The following FNDC3B variants were observed in gnomAD, a reference collection of about 807,000 sequenced individuals.
FNDC3B encodes the protein fibronectin type III domain containing 3B, also known as fibronectin type III domain-containing protein 3B.
FNDC3B carries 12 observed loss-of-function variants against 151.5 expected under a neutral mutation model. That is an observed-to-expected ratio of 0.08 (90% CI 0.05 to 0.13). The LOEUF is 0.13. Among genes scored for constraint, FNDC3B ranks in the 10% least tolerant of loss-of-function variants. FNDC3B has a pLI of 1.00. For missense variants in FNDC3B, 1,214 were observed against 1,505.3 expected (o/e 0.81, Z 3.20); for synonymous variants, 528 against 549.0 (o/e 0.96, Z 0.54).
chr3:172,345,740 G>A (rs1013864119), intron 19 of FNDC3B, among the ~76,000 whole-genome samples: 1 of 152,274 alleles, frequency 6.6e-6, no homozygotes. Context: ...TCAAAGTGTG[G>A]TAAGTCTCTA....
intron 6 of FNDC3B, among the ~76,000 whole-genome samples, chr3:172,281,714 T>C (rs1424804509): frequency 1.3e-5 from 2 of 152,176 alleles, no homozygotes; most frequent in Non-Finnish European, 2.9e-5. Context: ...TCTTGTTTAG[T>C]TGGCTCACAC....
chr3:172,294,580 C>A (rs1730497690), intron 7 of FNDC3B, among the ~76,000 whole-genome samples: 1 of 152,192 alleles, frequency 6.6e-6, no homozygotes, highest in Admixed American at 6.5e-5. Flanking sequence ...GGATTGCAAT[C>A]TGACATGAGA....
intron 4 of FNDC3B, among the ~76,000 whole-genome samples, chr3:172,227,644 TTC>T (rs1215286042): frequency 6.6e-6 from 1 of 152,220 alleles, no homozygotes; most frequent in East Asian, 1.9e-4. Context: ...TATGCAAATC[TTC>T]TGTTTCTGCA....
intron 4 of FNDC3B, among the ~76,000 whole-genome samples, chr3:172,235,091 A>G (rs1727077990): frequency 6.6e-6 from 1 of 152,082 alleles, no homozygotes; most frequent in African/African-American, 2.4e-5. Flanking sequence ...CAGTTTTTTC[A>G]AAACTGGTCA....
intron 1 of FNDC3B, among the ~76,000 whole-genome samples, chr3:172,086,337 A>T (rs1177684716): frequency 6.7e-6 from 1 of 149,648 alleles, no homozygotes; most frequent in Non-Finnish European, 1.5e-5. Context: ...TTCAGCCTGG[A>T]TGACAGAGCA....
chr3:172,208,094 T>A (rs576381191), intron 3 of FNDC3B, among the ~76,000 whole-genome samples: 4 of 63,896 alleles, frequency 6.3e-5, no homozygotes, highest in Admixed American at 4.2e-4. Context: ...AAGTCCATGC[T>A]GGACAGCAGA....
chr3:172,132,161 T>C (rs1254295283), intron 2 of FNDC3B, among the ~76,000 whole-genome samples: 2 of 152,078 alleles, frequency 1.3e-5, no homozygotes, highest in Non-Finnish European at 2.9e-5. Context: ...CTGAGAAGGA[T>C]GAATAGACGT....
intron 2 of FNDC3B, among the ~76,000 whole-genome samples, chr3:172,119,194 A>T (rs1200712377): frequency 6.7e-6 from 1 of 149,858 alleles, no homozygotes; most frequent in African/African-American, 2.5e-5. Flanking sequence ...AAAAAAAAAG[A>T]ATGAGAGGAT....
chr3:172,081,360 C>G (rs781562430), intron 1 of FNDC3B, among the ~76,000 whole-genome samples: 3 of 151,540 alleles, frequency 2.0e-5, no homozygotes, highest in Non-Finnish European at 4.4e-5. Flanking sequence ...TTTTTCTTTA[C>G]AGAGCACAAA....
chr3:172,258,448 C>A (rs142428414), intron 6 of FNDC3B, among the ~76,000 whole-genome samples: 15 of 152,170 alleles, frequency 9.9e-5, no homozygotes, highest in Non-Finnish European at 1.9e-4. Context: ...ATTTTGTGAT[C>A]ATTGCTCAGA....
chr3:172,204,648 C>A (rs2050137102), intron 3 of FNDC3B, among the ~76,000 whole-genome samples: 1 of 152,068 alleles, frequency 6.6e-6, no homozygotes, highest in African/African-American at 2.4e-5. Context: ...GGTTACAAAC[C>A]TATTGTATAT....
chr3:172,080,882 C>A (rs768485795), intron 1 of FNDC3B, among the ~76,000 whole-genome samples: 1 of 152,154 alleles, frequency 6.6e-6, no homozygotes, highest in South Asian at 2.1e-4. Flanking sequence ...GTGTTGGACT[C>A]ATTTTCCTTA....
intron 13 of FNDC3B, among the ~76,000 whole-genome samples, chr3:172,332,741 G>A (rs978015124): frequency 1.3e-5 from 2 of 152,184 alleles, no homozygotes; most frequent in African/African-American, 2.4e-5. Context: ...ACACTTTACT[G>A]CATAGCACAT....
chr3:172,300,174 C>A (rs896028608), intron 9 of FNDC3B, among the ~76,000 whole-genome samples: 20 of 152,086 alleles, frequency 1.3e-4, no homozygotes, highest in African/African-American at 4.8e-4. Context: ...ATTTGTGAAG[C>A]TAAGATGATA....
intron 1 of FNDC3B, among the ~76,000 whole-genome samples, chr3:172,088,146 T>C (rs1477136136): frequency 6.6e-6 from 1 of 151,272 alleles, no homozygotes; most frequent in Non-Finnish European, 1.5e-5. Flanking sequence ...ACAGCTATTG[T>C]AATTTTTCTA....
At chr3:172,337,215 G>T in intron 15 of FNDC3B, 115 bp from the exon 16 acceptor site, 3 of 635,430 alleles carry the variant, frequency 4.7e-6, no homozygotes, top group East Asian at 2.9e-5. Context: ...TTGCCTTTTG[G>T]TCATGTCTAG....
intron 1 of FNDC3B, among the ~76,000 whole-genome samples, chr3:172,078,787 T>C (rs1448027125): frequency 1.3e-5 from 2 of 152,178 alleles, no homozygotes; most frequent in Admixed American, 1.3e-4. Context: ...CTTGTGCTCA[T>C]TGGTTTGAGG....
intron 25 of FNDC3B, among the ~76,000 whole-genome samples, chr3:172,388,376 A>G (rs10936721): frequency 0.11 from 17,041 of 152,248 alleles, 1,241 homozygotes; most frequent in African/African-American, 0.21. Context: ...TTTAAAATAT[A>G]TCATTCATCA....
intron 3 of FNDC3B, among the ~76,000 whole-genome samples, chr3:172,185,234 T>G (rs1021041444): frequency 2.0e-5 from 3 of 152,184 alleles, no homozygotes; most frequent in Admixed American, 1.3e-4. Flanking sequence ...TTATAAAAAG[T>G]TGGAAAAAGG....
Sources: gnomAD v4.1 joint callset for allele counts (sites outside exome capture counted in the v4.1 genomes callset) on GRCh38, gnomAD v4.1.1 for gene constraint, MANE v1.5 for transcripts, NCBI Gene and HGNC (gene_info 2026-07-23, HGNC 2026-07-21) for gene names.